The following RHOT1 variants were observed in gnomAD, a reference collection of about 807,000 sequenced individuals.
The protein encoded by RHOT1 is mitochondrial Rho GTPase 1.
A neutral mutation model predicts 95.3 loss-of-function variants in RHOT1; 27 were observed. The ratio of observed to expected loss-of-function variants is 0.28; its 90% confidence interval spans 0.21 to 0.39. The LOEUF (loss-of-function observed/expected upper bound fraction) is 0.39, where lower values mean the gene tolerates loss of function less well. Ranked by LOEUF, RHOT1 falls within the 10% of genes least tolerant of loss-of-function variation. RHOT1 has a pLI of 1.00. For synonymous variants in RHOT1, 227 were observed against 263.5 expected (o/e 0.86, Z 1.34); for missense variants, 578 against 786.7 (o/e 0.73, Z 3.17).
intron 19 of RHOT1, among the ~76,000 whole-genome samples, chr17:32,218,537 G>A (rs2038631002): frequency 6.7e-6 from 1 of 150,138 alleles, no homozygotes; most frequent in Non-Finnish European, 1.5e-5. Flanking sequence ...GCTGGGCACA[G>A]TGTTTCACAC....
At chr17:32,198,871 G>A (rs1314532678) in intron 11 of RHOT1, 76 bp from the exon 12 acceptor site, 1 of 952,082 alleles carries the variant, frequency 1.1e-6, no homozygotes, top group African/African-American at 1.7e-5. Context: ...CAAAAGACTT[G>A]TTGCAATTTT....
At chr17:32,172,242 T>G (rs1351824402) in intron 2 of RHOT1, among the ~76,000 whole-genome samples, 2 of 152,214 alleles carry the variant, frequency 1.3e-5, no homozygotes, top group African/African-American at 4.8e-5. Context: ...TTTTTTCTCT[T>G]AGACAAGATG....
Position 32,194,004 on chromosome 17 carries a change from A to T in RHOT1, c.766A>T (p.Thr256Ser), listed in dbSNP as rs28630420. 2.2e-4 allele frequency: 361 copies of T among 1,613,218 alleles called. No individual in the cohort carries two copies. In the African/African-American group the frequency reaches 4.3e-3, roughly 19 times the overall value. ...LTLKGFLFLH[T>S]LFIQRGRHET... is the part of the protein sequence containing the mutation. Reference sequence around the variant, plus strand: ...TATTTCAGGTTTTCTCTTTTTACACACACTTTTTATCCAGAGAGGGAGACA... The same window carrying T: ...TATTTCAGGTTTTCTCTTTTTACACTCACTTTTTATCCAGAGAGGGAGACA... The change falls in exon 11 of 20, where the codon ACA becomes TCA. Residue 256 changes from threonine (T) to serine (S), a missense_variant. Thr to Ser is a moderately conservative substitution (Grantham distance 58). Coordinates refer to ENST00000545287, the MANE Select transcript of RHOT1 (RefSeq NM_001033566.3).
At chr17:32,170,501 A>G (rs528914394) in intron 1 of RHOT1, among the ~76,000 whole-genome samples, 2 of 150,974 alleles carry the variant, frequency 1.3e-5, no homozygotes, top group Non-Finnish European at 2.9e-5. Flanking sequence ...ACATGTAACA[A>G]TTATTTTAAC....
At chr17:32,196,021 T>A (rs1186836514) in intron 11 of RHOT1, among the ~76,000 whole-genome samples, 2 of 152,152 alleles carry the variant, frequency 1.3e-5, no homozygotes, top group Non-Finnish European at 2.9e-5. Flanking sequence ...TGCCTTTAAT[T>A]TTCTGCAAAA....
At chr17:32,224,588 AAAT>A in intron 19 of RHOT1, 25 bp from the exon 20 acceptor site, 1 of 1,485,484 alleles carries the variant, frequency 6.7e-7, no homozygotes, top group Non-Finnish European at 9.3e-7. Flanking sequence ...ATCATGTTTT[AAAT>A]AATAATTATA....
At chr17:32,150,275 CTGA>C (rs2142369730) in intron 1 of RHOT1, among the ~76,000 whole-genome samples, 1 of 152,158 alleles carries the variant, frequency 6.6e-6, no homozygotes, top group African/African-American at 2.4e-5. Flanking sequence ...AAAAATGATA[CTGA>C]TGAAGATGTG....
chr17:32,190,463 AAGG>A (rs1309798296), intron 8 of RHOT1, among the ~76,000 whole-genome samples: 2 of 152,204 alleles, frequency 1.3e-5, no homozygotes, highest in African/African-American at 4.8e-5. Flanking sequence ...TCAAAAAAAA[AAGG>A]AGAAAAGTGC....
intron 3 of RHOT1, among the ~76,000 whole-genome samples, chr17:32,174,526 C>T (rs2034842870): frequency 6.6e-6 from 1 of 152,102 alleles, no homozygotes; most frequent in Non-Finnish European, 1.5e-5. Context: ...ATTAGATTCA[C>T]CTCAGTATTA....
chr17:32,209,264 A>G, intron 18 of RHOT1: 1 of 621,002 alleles, frequency 1.6e-6, no homozygotes, highest in Non-Finnish European at 2.6e-6. Context: ...GTATTCGAAG[A>G]CAAGTCATTC....
At chr17:32,192,956 C>T (rs1272333068) in intron 9 of RHOT1, among the ~76,000 whole-genome samples, 180 bp from the exon 10 acceptor site, 1 of 152,206 alleles carries the variant, frequency 6.6e-6, no homozygotes, top group Admixed American at 6.5e-5. Context: ...TGAGCCACTG[C>T]ACCCAGCCCA....
At chr17:32,172,559 G>A (rs1041625355) in intron 2 of RHOT1, among the ~76,000 whole-genome samples, 3 of 152,194 alleles carry the variant, frequency 2.0e-5, no homozygotes, top group Non-Finnish European at 2.9e-5. Flanking sequence ...TTGGCTGGGC[G>A]CAGTGGCTCA....
At chr17:32,178,682 G>A (rs532267878) in intron 6 of RHOT1, among the ~76,000 whole-genome samples, 157 of 148,250 alleles carry the variant, frequency 1.1e-3, no homozygotes, top group African/African-American at 3.9e-3. Context: ...GCCTCTGCCC[G>A]GCTGCCCCGA....
intron 8 of RHOT1, among the ~76,000 whole-genome samples, chr17:32,183,626 A>G (rs555203312): frequency 4.8e-4 from 73 of 152,332 alleles, no homozygotes; most frequent in Non-Finnish European, 8.5e-4. Flanking sequence ...TAAAAACATT[A>G]TGTAGTTTTT....
chr17:32,174,895 G>A (rs1246362387), intron 3 of RHOT1, among the ~76,000 whole-genome samples: 1 of 152,218 alleles, frequency 6.6e-6, no homozygotes, highest in African/African-American at 2.4e-5. Context: ...TCTGGGTCTT[G>A]GTTATTATTA....
intron 19 of RHOT1, among the ~76,000 whole-genome samples, chr17:32,211,706 A>G (rs992980026): frequency 2.0e-5 from 3 of 152,202 alleles, no homozygotes; most frequent in Admixed American, 1.3e-4. Context: ...TCTTGAAACC[A>G]TTTATAATTA....
chr17:32,198,873 T>C, intron 11 of RHOT1, 74 bp from the exon 12 acceptor site: 1 of 974,522 alleles, frequency 1.0e-6, no homozygotes, highest in Middle Eastern at 3.1e-4. Flanking sequence ...AAAGACTTGT[T>C]GCAATTTTAT....
At chr17:32,153,637 C>T (rs2032590950) in intron 1 of RHOT1, among the ~76,000 whole-genome samples, 1 of 151,916 alleles carries the variant, frequency 6.6e-6, no homozygotes, top group Non-Finnish European at 1.5e-5. Context: ...CTTGCCTGGG[C>T]AAAAGAGTGA....
chr17:32,199,097 T>A, intron 12 of RHOT1, 66 bp downstream of exon 12: 1 of 1,239,364 alleles, frequency 8.1e-7, no homozygotes, highest in Non-Finnish European at 1.2e-6. Context: ...GATATAACTC[T>A]GTTCCCTGAG....
Sources: gnomAD v4.1 joint callset for allele counts (sites outside exome capture counted in the v4.1 genomes callset) on GRCh38, gnomAD v4.1.1 for gene constraint, MANE v1.5 for transcripts, NCBI Gene and HGNC (gene_info 2026-07-23, HGNC 2026-07-21) for gene names.